Variants in DAB1 observed in about 807,000 individuals in gnomAD.
DAB1 encodes disabled homolog 1.
Under a neutral mutation model 64.6 loss-of-function variants are expected in DAB1, and 15 were observed. The ratio of observed to expected loss-of-function variants is 0.23; its 90% CI spans 0.16 to 0.36. The LOEUF is 0.36. Among genes scored for constraint, DAB1 ranks in the 10% least tolerant of loss-of-function variants. The probability of loss-of-function intolerance (pLI) is 1.00; values close to 1 mark genes in which losing one functional copy is unlikely to be tolerated. For missense variants in DAB1, 596 were observed against 706.7 expected (o/e 0.84, Z 1.78); for synonymous variants, 235 against 251.9 (o/e 0.93, Z 0.64).
chr1:57,887,705 A>T (rs1644245125), upstream of DAB1, among the ~76,000 whole-genome samples: 1 of 152,220 alleles, frequency 6.6e-6, no homozygotes, highest in Admixed American at 6.5e-5. Context: ...GCAGAGCATT[A>T]TGGAGAGAAG....
At chr1:57,262,609 C>A (rs1670265345) in intron 2 of DAB1, among the ~76,000 whole-genome samples, 1 of 152,318 alleles carries the variant, frequency 6.6e-6, no homozygotes, top group South Asian at 2.1e-4. Context: ...CTCTTATCAC[C>A]CGGAGTTCTT....
chr1:58,342,647 C>A (rs1023467108), intron 4 of DAB1, among the ~76,000 whole-genome samples: 2 of 152,148 alleles, frequency 1.3e-5, no homozygotes, highest in African/African-American at 4.8e-5. Flanking sequence ...CATCTTTTGG[C>A]TCTCAATTTC....
chr1:58,056,811 A>G (rs1368183458), intron 5 of DAB1, among the ~76,000 whole-genome samples: 1 of 152,084 alleles, frequency 6.6e-6, no homozygotes, highest in African/African-American at 2.4e-5. Flanking sequence ...TAGTCACCTT[A>G]GGATGGCTTC....
chr1:57,711,845 A>ATT, intron 6 of DAB1, among the ~76,000 whole-genome samples: 1 of 152,356 alleles, frequency 6.6e-6, no homozygotes, highest in African/African-American at 2.4e-5. Flanking sequence ...AACAGAAGAA[A>ATT]AACAAAGGTT....
chr1:57,813,946 C>G (rs1004596684), intron 6 of DAB1, among the ~76,000 whole-genome samples: 2 of 152,204 alleles, frequency 1.3e-5, no homozygotes, highest in African/African-American at 4.8e-5. Context: ...TATTTTTGTC[C>G]TTTTCACTCT....
At chr1:58,116,607 G>A (rs1438928454) in intron 5 of DAB1, among the ~76,000 whole-genome samples, 1 of 152,158 alleles carries the variant, frequency 6.6e-6, no homozygotes, top group Non-Finnish European at 1.5e-5. Context: ...AGCAATTCTA[G>A]TCCTGGTTCC....
chr1:58,143,860 G>A (rs1411443719), intron 5 of DAB1, among the ~76,000 whole-genome samples: 1 of 152,198 alleles, frequency 6.6e-6, no homozygotes, highest in Non-Finnish European at 1.5e-5. Flanking sequence ...TTCTCGCCCT[G>A]ACAGTACCAT....
At chr1:57,645,391 C>T (rs1383878535) in intron 7 of DAB1, among the ~76,000 whole-genome samples, 1 of 152,102 alleles carries the variant, frequency 6.6e-6, no homozygotes, top group African/African-American at 2.4e-5. Context: ...AGGGAGGGCT[C>T]CTTGTGAACC....
chr1:57,071,369 A>G, intron 6 of DAB1, 153 bp downstream of exon 6: 1 of 871,988 alleles, frequency 1.1e-6, no homozygotes, highest in East Asian at 2.6e-5. Context: ...AATAATTTCT[A>G]ATGGCTTGCT....
chr1:57,182,766 G>T (rs74074150), intron 2 of DAB1, among the ~76,000 whole-genome samples: 6,330 of 152,208 alleles, frequency 0.042, 203 homozygotes, highest in South Asian at 0.14. Flanking sequence ...TCTTGGGAAA[G>T]AATGCAGAAA....
intron 12 of DAB1, 43 bp downstream of exon 12, chr1:57,014,840 A>G (rs747602101): frequency 2.0e-6 from 3 of 1,487,858 alleles, no homozygotes; most frequent in Non-Finnish European, 1.8e-6. Flanking sequence ...GACATGAGTT[A>G]CGGCTCTCAT....
chr1:57,839,671 T>A (rs970957054), intron 1 of DAB1, among the ~76,000 whole-genome samples: 1 of 152,214 alleles, frequency 6.6e-6, no homozygotes, highest in Non-Finnish European at 1.5e-5. Context: ...TACAGTGCTT[T>A]GCAAAGATTA....
chr1:57,189,785 G>A (rs973663599), intron 2 of DAB1, among the ~76,000 whole-genome samples: 1 of 151,648 alleles, frequency 6.6e-6, no homozygotes, highest in Non-Finnish European at 1.5e-5. Flanking sequence ...CCCCAAACTC[G>A]GGTACATGGC....
intron 3 of DAB1, among the ~76,000 whole-genome samples, chr1:58,479,261 G>T (rs1271017757): frequency 5.3e-5 from 8 of 152,094 alleles, no homozygotes; most frequent in Non-Finnish European, 1.0e-4. Flanking sequence ...ATATGTTATG[G>T]AGTGCCTTTT....
intron 2 of DAB1, among the ~76,000 whole-genome samples, chr1:57,182,354 G>A (rs993992799): frequency 6.6e-6 from 1 of 152,200 alleles, no homozygotes; most frequent in African/African-American, 2.4e-5. Flanking sequence ...AACATTGAAG[G>A]AATTATAATG....
At chr1:58,159,370 A>G (rs1429779852) in intron 4 of DAB1, among the ~76,000 whole-genome samples, 2 of 152,212 alleles carry the variant, frequency 1.3e-5, no homozygotes, top group Non-Finnish European at 2.9e-5. Flanking sequence ...AAGAAGCTAG[A>G]GGCAAAAAGA....
rs902239247 is a variant in DAB1, at chr1:58,434,076, T to C, written n.257+71984A>G. Among the ~76,000 whole-genome samples the C allele has an allele frequency of 2.0e-5, 3 of 152,116 alleles. No homozygotes were observed. The East Asian group carries it at 5.8e-4, about 29-fold the overall frequency. On this transcript the variant is annotated intron_variant and non_coding_transcript_variant, in intron 3 of 20. Coordinates refer to the DAB1 transcript ENST00000485760. ...AAAAAGAGAAATATAAGGACACAGA[T>C]CATGTAGGCTACTGAAGAACTTTGG...
At chr1:57,514,399 T>C (rs1644440773) in intron 7 of DAB1, among the ~76,000 whole-genome samples, 1 of 152,230 alleles carries the variant, frequency 6.6e-6, no homozygotes, top group Admixed American at 6.5e-5. Context: ...TATCTCATTT[T>C]GGTTTTAATT....
chr1:58,068,358 G>A (rs756699168), intron 5 of DAB1, among the ~76,000 whole-genome samples: 7 of 152,118 alleles, frequency 4.6e-5, no homozygotes, highest in East Asian at 3.9e-4. Flanking sequence ...TATATATAGC[G>A]GGGAAAAGGA....
Sources: allele counts gnomAD v4.1 joint callset (sites outside exome capture counted in the v4.1 genomes callset), GRCh38; gene constraint gnomAD v4.1.1; transcripts MANE v1.5; gene names NCBI Gene and HGNC (gene_info 2026-07-23, HGNC 2026-07-21).